Variants in MANBA observed in about 807,000 individuals in gnomAD.
MANBA encodes mannosidase beta.
Under a neutral mutation model 111.1 loss-of-function variants are expected in MANBA, and 83 were observed. That is an observed-to-expected ratio of 0.75 (90% confidence interval 0.63 to 0.90). The LOEUF is 0.90. Ranked by LOEUF, MANBA falls within the 40% of genes least tolerant of loss-of-function variation. The probability of loss-of-function intolerance (pLI) is 0.00; values close to 1 mark genes in which losing one functional copy is unlikely to be tolerated. For synonymous variants in MANBA, 370 were observed against 378.7 expected (o/e 0.98, Z 0.27); for missense variants, 1,036 against 1,069.0 (o/e 0.97, Z 0.43).
intron 5 of MANBA, among the ~76,000 whole-genome samples, chr4:102,692,917 C>A (rs1732548943): frequency 6.6e-6 from 1 of 151,866 alleles, no homozygotes; most frequent in African/African-American, 2.4e-5. Context: ...GACGTTATAA[C>A]CGGCACTGTT....
chr4:102,708,368 G>A (rs879695704), intron 5 of MANBA, among the ~76,000 whole-genome samples: 1 of 151,952 alleles, frequency 6.6e-6, no homozygotes, highest in African/African-American at 2.4e-5. Context: ...ACCTGCACAA[G>A]CACATGGAAA....
chr4:102,650,523 T>C lies in MANBA; in HGVS notation c.1869+14A>G. The C allele has an allele frequency of 6.2e-7, 1 of 1,603,116 alleles. No homozygotes were observed. Among genetic ancestry groups the C allele is most frequent in the South Asian group, 1.1e-5 (1 of 90,882 alleles). On this transcript the variant is annotated intron_variant, in intron 13 of 16. Coordinates refer to ENST00000647097, the MANE Select transcript of MANBA (RefSeq NM_005908.4). ...TGCAGGAACCTGTTCAATTCTAGAA[T>C]GAAAACAACTTACCTGAGTAAGGTA... is the stretch of plus-strand genomic sequence containing the variant.
rs1036431101 is a variant in MANBA, at chr4:102,721,152, C to T, written c.549+1719G>A. Reference sequence around the variant, plus strand: ...CAGCCTGGCCAACATGGCGAAACTCCGTCTCTACTAAAAATTAAAAAATTA... The same window carrying T: ...CAGCCTGGCCAACATGGCGAAACTCTGTCTCTACTAAAAATTAAAAAATTA... On this transcript the variant is annotated intron_variant, in intron 4 of 16. Transcript: ENST00000647097. Among the ~76,000 whole-genome samples the T allele has an allele frequency of 1.6e-4, 25 of 152,064 alleles. 1 individual carries two copies. The highest frequency in any genetic ancestry group is 8.5e-4 in the Admixed American group (13 of 15,276).
At chr4:102,652,220 G>C (rs228629) in intron 12 of MANBA, among the ~76,000 whole-genome samples, 68,320 of 151,972 alleles carry the variant, frequency 0.45, 15,898 homozygotes, top group South Asian at 0.53. Context: ...CTATACTTTT[G>C]TATCAATTAA....
chr4:102,728,063 G>A (rs999548149), intron 1 of MANBA: 1 of 520,870 alleles, frequency 1.9e-6, no homozygotes. Context: ...GGTGGAGATA[G>A]AAGGCACGCC....
intron 4 of MANBA, among the ~76,000 whole-genome samples, chr4:102,719,681 A>G (rs556686315): frequency 6.6e-6 from 1 of 152,334 alleles, no homozygotes; most frequent in East Asian, 1.9e-4. Flanking sequence ...ACAACATGCA[A>G]AGTGCATTTA....
intron 5 of MANBA, among the ~76,000 whole-genome samples, chr4:102,701,203 AT>A (rs1733022632): frequency 6.6e-6 from 1 of 150,468 alleles, no homozygotes; most frequent in Admixed American, 6.6e-5. Flanking sequence ...TTTGTTTTCC[AT>A]TTGCTTGGTA....
intron 9 of MANBA, 52 bp downstream of exon 9, chr4:102,671,229 A>C: frequency 8.7e-7 from 1 of 1,148,010 alleles, no homozygotes. Context: ...ATTGGCAGTC[A>C]AACTGAGGAT....
intron 1 of MANBA, among the ~76,000 whole-genome samples, chr4:102,732,702 CA>C (rs1376946940): frequency 6.6e-6 from 1 of 152,216 alleles, no homozygotes; most frequent in Non-Finnish European, 1.5e-5. Context: ...TGCCGTGTGC[CA>C]AGCCCAGCCA....
chr4:102,650,940 A>G (rs562483273), intron 12 of MANBA: 1 of 470,278 alleles, frequency 2.1e-6, no homozygotes, highest in African/African-American at 1.9e-5. Context: ...TCCTCCAACT[A>G]AGAAAGTTAT....
intron 1 of MANBA, chr4:102,754,035 T>C: frequency 3.2e-6 from 1 of 313,326 alleles, no homozygotes; most frequent in Non-Finnish European, 6.4e-6. Flanking sequence ...AAAATCACCA[T>C]TAAAGATAAA....
intron 5 of MANBA, among the ~76,000 whole-genome samples, chr4:102,699,229 G>A (rs1447711138): frequency 2.0e-5 from 3 of 151,254 alleles, no homozygotes; most frequent in Non-Finnish European, 4.4e-5. Flanking sequence ...CTTTGCTGAC[G>A]TTGCTTATCA....
Position 102,650,560 on chromosome 4 carries a change from T to TAA in MANBA, c.1844_1845dup (p.Lys616LeufsTer10). On this transcript the variant is annotated frameshift_variant, in exon 13 of 17. Transcript: ENST00000647097. LOFTEE classifies it high-confidence loss of function. ...ACCTGAGTAAGGTAGATGGTATCTT[T>TAA]AAATGTGCGTAATGGATCTGTGCTT... 2 of 1,613,418 alleles carry TAA rather than the reference T, an allele frequency of 1.2e-6. No individual in the cohort carries two copies. The highest frequency in any genetic ancestry group is 1.7e-6 in the Non-Finnish European group (2 of 1,179,374).
intron 5 of MANBA, among the ~76,000 whole-genome samples, chr4:102,700,013 T>C (rs1732942135): frequency 1.3e-5 from 2 of 151,852 alleles, no homozygotes; most frequent in Non-Finnish European, 2.9e-5. Flanking sequence ...TGGTAAGCTA[T>C]TGATTATTGC....
chr4:102,722,950 G>A lies in MANBA; in HGVS notation c.470C>T (p.Ala157Val), dbSNP rs762578263. 4.3e-6 allele frequency: 7 copies of A among 1,614,128 alleles called. No individual in the cohort carries two copies. The highest frequency in any genetic ancestry group is 3.3e-4 in the Middle Eastern group (2 of 6,062). The change falls in exon 4 of 17, where the codon GCT becomes GTT. Residue 157 changes from alanine to valine, a missense_variant. By Grantham distance (64) the Ala-to-Val change is moderately conservative. Transcript: ENST00000647097. ...TGGGGGAACCTGGTAGCGAGTGTGA[G>A]CTTTGCTCTGCTGTGCTGCATACAA... The part of the protein sequence containing the change: ...AVLYAAQQSK[A>V]HTRYQVPPDC...
chr4:102,708,107 C>CA (rs367806252), intron 5 of MANBA, among the ~76,000 whole-genome samples: 13 of 151,930 alleles, frequency 8.6e-5, no homozygotes, highest in Non-Finnish European at 1.5e-4. Context: ...ATCATCTAGA[C>CA]AAAAAATTAA....
intron 14 of MANBA, among the ~76,000 whole-genome samples, chr4:102,637,139 C>T (rs1334230280): frequency 6.6e-6 from 1 of 152,184 alleles, no homozygotes; most frequent in African/African-American, 2.4e-5. Context: ...AACTGTGAGT[C>T]CATTAAACCT....
intron 16 of MANBA, chr4:102,633,409 T>G (rs1025890857): frequency 5.0e-6 from 2 of 398,526 alleles, no homozygotes; most frequent in Admixed American, 4.4e-5. Flanking sequence ...GCTGGTTATC[T>G]TCGTTGGATT....
intron 5 of MANBA, among the ~76,000 whole-genome samples, chr4:102,696,191 A>G (rs1471382235): frequency 4.6e-5 from 7 of 152,140 alleles, no homozygotes; most frequent in South Asian, 2.1e-4. Context: ...GCTCCACTAC[A>G]CTCCAGCCTG....
Sources: gnomAD v4.1 joint callset for allele counts (sites outside exome capture counted in the v4.1 genomes callset) on GRCh38, gnomAD v4.1.1 for gene constraint, MANE v1.5 for transcripts, NCBI Gene and HGNC (gene_info 2026-07-23, HGNC 2026-07-21) for gene names.